ATP1A1: variants seen among roughly 807,000 people sequenced by gnomAD.
ATP1A1 encodes sodium/potassium-transporting ATPase subunit alpha-1.
In ATP1A1, 14 loss-of-function variants were observed where a neutral mutation model predicts 114.8. That is an observed-to-expected ratio of 0.12 (90% CI 0.08 to 0.19). The LOEUF is 0.19. ATP1A1 is among the 10% of genes least tolerant of loss of function. The pLI is 1.00. For synonymous variants in ATP1A1, 471 were observed against 466.3 expected, an observed-to-expected ratio of 1.01 and a Z score of -0.13; for missense variants, 524 against 1,290.7, an observed-to-expected ratio of 0.41 and a Z score of 9.10.
At position 116,393,651 on chromosome 1, in the gene ATP1A1, C is replaced by T. The variant is rs1652655465; in HGVS notation, c.1588C>T (p.Leu530=). Reference sequence around the variant, plus strand: ...CCTCCTCCACGGCAAGGAGCAGCCCCTGGATGAGGAGCTGAAAGACGCCTT... The same window carrying T: ...CCTCCTCCACGGCAAGGAGCAGCCCTTGGATGAGGAGCTGAAAGACGCCTT... ...SILLHGKEQP[L]DEELKDAFQN... is the part of the protein sequence containing the mutation. The change falls in exon 12 of 23, where the codon CTG becomes TTG. Residue 530 remains leucine (L), a synonymous_variant. Coordinates refer to ENST00000295598, the MANE Select transcript of ATP1A1 (RefSeq NM_000701.8). This position sits in a 1 kb window ranked among gnomAD's most constrained non-coding sequence, Gnocchi z 5.0. 1.2e-6 allele frequency: 2 copies of T among 1,614,050 alleles called. No individual in the cohort carries two copies. The highest frequency in any genetic ancestry group is 3.3e-5 in the Admixed American group (2 of 59,996).
rs371191515 is a variant in ATP1A1, at chr1:116,399,582, G to A, written c.2572+39G>A. 3.8e-5 allele frequency: 62 copies of A among 1,610,756 alleles called. No homozygotes were observed. The highest frequency in any genetic ancestry group is 5.1e-5 in the Non-Finnish European group (60 of 1,178,494). On this transcript the variant is annotated intron_variant, in intron 18 of 22. Transcript: ENST00000295598. The surrounding 1 kb of genome is among the most constrained non-coding windows in gnomAD (Gnocchi z 5.0). The stretch of plus-strand genomic sequence containing the variant: ...TGGAGTGGGAAGCTGGCACATCTAA[G>A]GCATCTGAGGTGATGGTGTCCACCT...
chr1:116,390,215 C>A lies in ATP1A1; in HGVS notation c.1026C>A (p.Val342=). Residue 342 remains valine (V), a splice_region_variant and synonymous_variant, in exon 9 of 23, where the codon GTC becomes GTA. Coordinates refer to ENST00000295598, the MANE Select transcript of ATP1A1 (RefSeq NM_000701.8). ...VPEGLLATVT[V]CLTLTAKRMA... ...ATAATCTTCCTAATATTTTTTAGGTCTGTCTGACACTTACTGCCAAACGCA... is the reference window on the plus strand; with the variant it reads ...ATAATCTTCCTAATATTTTTTAGGTATGTCTGACACTTACTGCCAAACGCA... 1.2e-6 allele frequency: 2 copies of A among 1,613,904 alleles called. No homozygotes were observed. Among genetic ancestry groups the A allele is most frequent in the South Asian group, 2.2e-5 (2 of 91,060 alleles).
Position 116,404,390 on chromosome 1 carries a change from C to CT in ATP1A1, c.3044-24dup. ...GCGAGGAAGACTCACTGTAGTGTGT[C>CT]TTGTCTGTCTCTTTGCCACCCACAG... On this transcript the variant is annotated intron_variant, in intron 22 of 22. Coordinates refer to ENST00000295598, the MANE Select transcript of ATP1A1 (RefSeq NM_000701.8). This position sits in a 1 kb window ranked among gnomAD's most constrained non-coding sequence, Gnocchi z 4.8. 1 of 1,613,826 alleles carries CT rather than the reference C, an allele frequency of 6.2e-7. No individual in the cohort carries two copies. Among genetic ancestry groups the CT allele is most frequent in the Non-Finnish European group, 8.5e-7 (1 of 1,179,864 alleles).
Position 116,388,084 on chromosome 1 carries a change from A to G in ATP1A1, c.388-47A>G, listed in dbSNP as rs1348693284. The G allele has an allele frequency of 8.0e-7, 1 of 1,243,430 alleles. No homozygotes were observed. The highest frequency in any genetic ancestry group is 1.5e-5 in the African/African-American group (1 of 65,672). 77.0% of individuals were successfully genotyped at this position (1,243,430 alleles called of 1,614,324 possible). A position where few individuals can be genotyped will look rare whatever the true frequency, so the allele number is the denominator to read the frequency against. Reference sequence around the variant, plus strand: ...GTCAAAAAATTAATTGAATGTCCCTAATTATTGTGTAGAGCCACGGGCCCT... The same window carrying G: ...GTCAAAAAATTAATTGAATGTCCCTGATTATTGTGTAGAGCCACGGGCCCT... On this transcript the variant is annotated intron_variant, in intron 4 of 22. Coordinates refer to ENST00000295598, the MANE Select transcript of ATP1A1 (RefSeq NM_000701.8). The surrounding 1 kb of genome is among the most constrained non-coding windows in gnomAD (Gnocchi z 5.6).
intron 21 of ATP1A1, 57 bp from the exon 22 acceptor site, chr1:116,403,827 T>C: frequency 1.4e-6 from 2 of 1,451,816 alleles, no homozygotes; most frequent in South Asian, 1.2e-5. Context: ...CAATTTCTCT[T>C]TCTTTATTTG....
At position 116,397,921 on chromosome 1, in the gene ATP1A1, T is replaced by A. The variant is rs756054875; in HGVS notation, c.2007T>A (p.Asp669Glu). Residue 669 changes from aspartate to glutamate, a missense_variant, in exon 15 of 23, where the codon GAT becomes GAA. Around this residue, in one of 8 missense-constraint regions of ATP1A1, gnomAD observed 47 missense variants for 79.8 expected, o/e 0.59. Coordinates refer to ENST00000295598, the MANE Select transcript of ATP1A1 (RefSeq NM_000701.8). The surrounding 1 kb of genome is among the most constrained non-coding windows in gnomAD (Gnocchi z 4.2). The stretch of plus-strand genomic sequence containing the variant: ...AGGCCTGCGTAGTACACGGCAGTGA[T>A]CTAAAGGACATGACCTCCGAGCAGC... Reference protein sequence around the residue: ...DAKACVVHGSDLKDMTSEQLD... With the variant: ...DAKACVVHGSELKDMTSEQLD... The A allele has an allele frequency of 1.9e-6, 3 of 1,613,566 alleles. No individual in the cohort carries two copies. The highest frequency in any genetic ancestry group is 2.5e-6 in the Non-Finnish European group (3 of 1,179,960).
At chr1:116,377,862 C>T (rs1456264252) in intron 1 of ATP1A1, among the ~76,000 whole-genome samples, 1 of 152,196 alleles carries the variant, frequency 6.6e-6, no homozygotes. Context: ...TTCTAGATTA[C>T]ACTGAAAGTA....
chr1:116,373,974 C>G, intron 1 of ATP1A1: 1 of 1,380,412 alleles, frequency 7.2e-7, no homozygotes, highest in Non-Finnish European at 9.3e-7. Context: ...CCTCCGTGCC[C>G]TGAGGAAAGG....
At position 116,393,901 on chromosome 1, in the gene ATP1A1, T is replaced by C. The variant is rs745825998; in HGVS notation, c.1660+178T>C. Among the ~76,000 whole-genome samples the C allele has an allele frequency of 9.2e-5, 14 of 152,220 alleles. No homozygotes were observed. The highest frequency in any genetic ancestry group is 6.5e-4 in the Admixed American group (10 of 15,282). ...CCCCTATTATTTTGAAAACAATAAGTGCTGAAGAAATGTTCAGCGTATTGG... is the reference window on the plus strand; with the variant it reads ...CCCCTATTATTTTGAAAACAATAAGCGCTGAAGAAATGTTCAGCGTATTGG... On this transcript the variant is annotated intron_variant, in intron 12 of 22. Coordinates refer to ENST00000295598, the MANE Select transcript of ATP1A1 (RefSeq NM_000701.8). This position sits in a 1 kb window ranked among gnomAD's most constrained non-coding sequence, Gnocchi z 5.0.
intron 10 of ATP1A1, among the ~76,000 whole-genome samples, chr1:116,391,467 C>G (rs954286232): frequency 6.6e-6 from 1 of 152,194 alleles, no homozygotes; most frequent in African/African-American, 2.4e-5. Flanking sequence ...TGAGATTTTA[C>G]TATGCTGCCC....
In ATP1A1 at chr1:116,387,243, A is replaced by G; in HGVS notation, c.184-45A>G. On this transcript the variant is annotated intron_variant, in intron 3 of 22. Transcript: ENST00000295598. The surrounding 1 kb of genome is among the most constrained non-coding windows in gnomAD (Gnocchi z 6.7). ...CTACCAGGTAGGTATATTGCCTTGT[A>G]AGTGCTGGTACAGTTTGCCTTATTT... is the stretch of plus-strand genomic sequence containing the variant. 6.2e-7 allele frequency: 1 copy of G among 1,607,996 alleles called. No homozygotes were observed. Among genetic ancestry groups the G allele is most frequent in the Admixed American group, 1.7e-5 (1 of 59,836 alleles).
Position 116,393,503 on chromosome 1 carries a change from A to T in ATP1A1, c.1468-28A>T. On this transcript the variant is annotated intron_variant, in intron 11 of 22. Transcript: ENST00000295598. This position sits in a 1 kb window ranked among gnomAD's most constrained non-coding sequence, Gnocchi z 5.0. ...GGACTGCCACACATCCAACCATCCA[A>T]TGTTTATGTCTCAACAATCCTTCAC... The T allele has an allele frequency of 6.3e-7, 1 of 1,590,078 alleles. No homozygotes were observed. Among genetic ancestry groups the T allele is most frequent in the Non-Finnish European group, 8.6e-7 (1 of 1,164,164 alleles).
chr1:116,378,863 A>T (rs1651546703), intron 1 of ATP1A1, among the ~76,000 whole-genome samples: 1 of 152,202 alleles, frequency 6.6e-6, no homozygotes, highest in South Asian at 2.1e-4. Flanking sequence ...AAATGAAAAA[A>T]AGGAGGGTAA....
In ATP1A1 at chr1:116,395,732, T is replaced by C. The variant is rs116957397; in HGVS notation, c.1836+447T>C. On this transcript the variant is annotated intron_variant, in intron 13 of 22. Coordinates refer to ENST00000295598, the MANE Select transcript of ATP1A1 (RefSeq NM_000701.8). The surrounding 1 kb of genome is among the most constrained non-coding windows in gnomAD (Gnocchi z 6.4). ...ATCCTGTTGCTGGGTATTTGGTTTCTGTTTTTTACTCTCAGGATTTTATTT... is the reference window on the plus strand; with the variant it reads ...ATCCTGTTGCTGGGTATTTGGTTTCCGTTTTTTACTCTCAGGATTTTATTT... Among the ~76,000 whole-genome samples, 120 of 152,288 alleles carry C rather than the reference T, an allele frequency of 7.9e-4. 1 individual carries two copies. The East Asian group carries it at 0.011, about 14-fold the overall frequency.
At chr1:116,374,111 G>T in intron 1 of ATP1A1, 2 of 1,528,372 alleles carry the variant, frequency 1.3e-6, no homozygotes, top group Non-Finnish European at 1.8e-6. Flanking sequence ...GGACGCTGGG[G>T]CTTAGCTTGC....
At chr1:116,375,849 C>G (rs1340214165) in intron 1 of ATP1A1, among the ~76,000 whole-genome samples, 2 of 152,192 alleles carry the variant, frequency 1.3e-5, no homozygotes, top group Admixed American at 6.5e-5. Flanking sequence ...TAAATTTCTT[C>G]CCCTCCTCTC....
At chr1:116,392,577 C>T (rs888428740) in intron 10 of ATP1A1, 2 of 314,508 alleles carry the variant, frequency 6.4e-6, no homozygotes, top group African/African-American at 4.3e-5. Context: ...GTGTTAATAC[C>T]TCTTCTAGGG....
intron 3 of ATP1A1, chr1:116,386,119 T>A (rs1570951870): frequency 1.4e-5 from 1 of 69,062 alleles, no homozygotes; most frequent in Non-Finnish European, 2.4e-5. Flanking sequence ...AGAGTGAAAC[T>A]CCATCTCAAA....
Position 116,404,548 on chromosome 1 carries a change from T to G in ATP1A1, c.*104T>G. 6.8e-6 allele frequency: 10 copies of G among 1,468,678 alleles called. No individual in the cohort carries two copies. Among genetic ancestry groups the G allele is most frequent in the Non-Finnish European group, 9.0e-6 (10 of 1,113,292 alleles). 91.0% of individuals were successfully genotyped at this position (1,468,678 alleles called of 1,614,324 possible). On this transcript the variant is annotated 3_prime_UTR_variant, in exon 23 of 23. Coordinates refer to ENST00000295598, the MANE Select transcript of ATP1A1 (RefSeq NM_000701.8). The surrounding 1 kb of genome is among the most constrained non-coding windows in gnomAD (Gnocchi z 4.8). ...CTTGGAGTTTGGAACTCTACCCTGG[T>G]AGGAAAGCACCGCAGCATGTGGGGA...
Sources: gnomAD v4.1 joint callset for allele counts (sites outside exome capture counted in the v4.1 genomes callset) on GRCh38, gnomAD v4.1.1 for gene constraint, gnomAD v4.1.1 regional missense constraint, Gnocchi (gnomAD v3.1) non-coding constraint, MANE v1.5 for transcripts, NCBI Gene and HGNC (gene_info 2026-07-23, HGNC 2026-07-21) for gene names.